Variants in FBXO31 observed in about 807,000 individuals in gnomAD.
FBXO31 encodes the protein F-box only protein 31.
A neutral mutation model predicts 54.4 loss-of-function variants in FBXO31; 24 were observed. The observed-to-expected ratio is 0.44, with a 90% CI of 0.32 to 0.62. The LOEUF is 0.62. FBXO31 is among the 20% of genes least tolerant of loss of function. FBXO31 has a pLI of 0.05. For synonymous variants in FBXO31, 388 were observed against 335.6 expected, an observed-to-expected ratio of 1.16 and a Z score of -1.71; for missense variants, 665 against 787.1, an observed-to-expected ratio of 0.84 and a Z score of 1.86.
chr16:87,387,181 C>T (rs1379051552), upstream of FBXO31, among the ~76,000 whole-genome samples: 5 of 151,972 alleles, frequency 3.3e-5, no homozygotes, highest in African/African-American at 1.2e-4. Flanking sequence ...TTCAGCAATA[C>T]CTGTTGGTGG....
intron 1 of FBXO31, among the ~76,000 whole-genome samples, chr16:87,366,854 G>A (rs1210535541): frequency 2.0e-5 from 3 of 152,006 alleles, no homozygotes; most frequent in African/African-American, 7.3e-5. Context: ...ACTCTCTGGC[G>A]ACCTCCAAAA....
At chr16:87,379,016 T>C (rs539378937) in intron 1 of FBXO31, among the ~76,000 whole-genome samples, 73 of 152,174 alleles carry the variant, frequency 4.8e-4, no homozygotes, top group African/African-American at 1.5e-3. Flanking sequence ...GATATATATG[T>C]ATCCAAAGAT....
chr16:87,375,416 G>A (rs1437270743), intron 1 of FBXO31, among the ~76,000 whole-genome samples: 2 of 152,130 alleles, frequency 1.3e-5, no homozygotes, highest in African/African-American at 4.8e-5. Flanking sequence ...GCTTGAACCC[G>A]GGAGGTAGAG....
chr16:87,343,277 C>T (rs1041180710), intron 4 of FBXO31, among the ~76,000 whole-genome samples: 1 of 152,240 alleles, frequency 6.6e-6, no homozygotes, highest in African/African-American at 2.4e-5. Context: ...ACTGCCAGAC[C>T]AGATCAGAGA....
chr16:87,390,239 C>G (rs768496943), upstream of FBXO31, among the ~76,000 whole-genome samples: 2 of 152,048 alleles, frequency 1.3e-5, no homozygotes, highest in Non-Finnish European at 2.9e-5. Flanking sequence ...TGAGATCACG[C>G]CACTGCACTC....
intron 3 of FBXO31, 55 bp from the exon 4 acceptor site, chr16:87,343,820 C>T (rs1161238418): frequency 1.1e-5 from 17 of 1,581,444 alleles, no homozygotes; most frequent in African/African-American, 8.1e-5. Flanking sequence ...AGAGCAAGGG[C>T]GGCCCCGCAC....
chr16:87,344,307 A>G (rs1462785901), intron 3 of FBXO31, among the ~76,000 whole-genome samples: 5 of 152,226 alleles, frequency 3.3e-5, no homozygotes, highest in Non-Finnish European at 7.3e-5. Flanking sequence ...GGGAGGAGAG[A>G]GACGCCAAGA....
intron 2 of FBXO31, among the ~76,000 whole-genome samples, chr16:87,351,095 C>T (rs1037943932): frequency 3.9e-5 from 6 of 152,180 alleles, no homozygotes; most frequent in South Asian, 2.1e-4. Context: ...GGGCTGCCAG[C>T]GCACAGACCC....
chr16:87,376,608 G>A (rs1223803647), intron 1 of FBXO31, among the ~76,000 whole-genome samples: 1 of 152,140 alleles, frequency 6.6e-6, no homozygotes. Context: ...TTCAACATCT[G>A]TGAAAAGAAG....
chr16:87,335,329 C>A lies in FBXO31; in HGVS notation c.971G>T (p.Arg324Leu). ...LEIVMLSFHGRRARGTKITGD... is the reference protein window; with the variant it reads ...LEIVMLSFHGLRARGTKITGD... The stretch of plus-strand genomic sequence containing the variant: ...CGTGATCTTGGTGCCCCTGGCACGC[C>A]GGCCGTGGAAGCTGAGCATCACAAT... Residue 324 changes from arginine (R) to leucine (L), a missense_variant, in exon 7 of 9, where the codon CGG (arginine) becomes CTG (leucine). Physicochemically the swap from Arg to Leu is moderately radical, Grantham distance 102. Around this residue, in one of 4 missense-constraint regions of FBXO31, gnomAD observed 234 missense variants for 346.8 expected, o/e 0.67. Transcript: ENST00000311635. The surrounding 1 kb of genome is among the most constrained non-coding windows in gnomAD (Gnocchi z 5.7). 1 of 1,613,864 alleles carries A rather than the reference C, an allele frequency of 6.2e-7. No individual in the cohort carries two copies. Among genetic ancestry groups the A allele is most frequent in the Non-Finnish European group, 8.5e-7 (1 of 1,180,000 alleles).
chr16:87,366,798 C>A (rs965252037), intron 1 of FBXO31, among the ~76,000 whole-genome samples: 1 of 152,174 alleles, frequency 6.6e-6, no homozygotes, highest in African/African-American at 2.4e-5. Flanking sequence ...GTGACGTCCA[C>A]TCTTCTGCAA....
At chr16:87,353,535 CAG>C (rs1483538085) in intron 2 of FBXO31, among the ~76,000 whole-genome samples, 1 of 152,234 alleles carries the variant, frequency 6.6e-6, no homozygotes, top group Non-Finnish European at 1.5e-5. Context: ...GACTCAGAGA[CAG>C]AGGGGGCCAC....
chr16:87,340,442 C>G (rs576841554), intron 5 of FBXO31, among the ~76,000 whole-genome samples: 1 of 152,220 alleles, frequency 6.6e-6, no homozygotes, highest in African/African-American at 2.4e-5. Context: ...GTGGTTATCA[C>G]GCATCCAGTG....
In FBXO31 at chr16:87,358,410, C is replaced by G. The variant is rs930356547; in HGVS notation, c.412+1885G>C. The G allele has an allele frequency of 6.6e-6, 1 of 152,662 alleles. No individual in the cohort carries two copies. The highest frequency in any genetic ancestry group is 1.5e-5 in the Non-Finnish European group (1 of 68,052). The allele number at this position is 152,662 out of a possible 1,614,324, so 9.5% of individuals were successfully genotyped here. A position where few individuals can be genotyped will look rare whatever the true frequency, so the allele number is the denominator to read the frequency against. ...AGCCAAAGCTCGCAGGAGGTACATACGGCAGGTGTAAACGTCTCTGTACGC... is the reference window on the plus strand; with the variant it reads ...AGCCAAAGCTCGCAGGAGGTACATAGGGCAGGTGTAAACGTCTCTGTACGC... On this transcript the variant is annotated intron_variant, in intron 2 of 8. Transcript: ENST00000311635. The surrounding 1 kb of genome is among the most constrained non-coding windows in gnomAD (Gnocchi z 4.0).
chr16:87,366,526 G>A (rs1427616923), intron 1 of FBXO31, among the ~76,000 whole-genome samples: 4 of 152,206 alleles, frequency 2.6e-5, no homozygotes, highest in Admixed American at 2.0e-4. Context: ...GAGCACTCCA[G>A]GTGTGGCAGA....
chr16:87,371,334 C>A (rs1906594486), intron 1 of FBXO31, among the ~76,000 whole-genome samples: 1 of 152,238 alleles, frequency 6.6e-6, no homozygotes, highest in Non-Finnish European at 1.5e-5. Context: ...ACGACAGGCA[C>A]CCACTGGCCA....
intron 2 of FBXO31, among the ~76,000 whole-genome samples, chr16:87,359,987 G>C (rs1265648265): frequency 6.6e-6 from 1 of 152,220 alleles, no homozygotes; most frequent in African/African-American, 2.4e-5. Context: ...AGGCCCAGAA[G>C]CCAGAGAAAC....
At chr16:87,390,971 G>A (rs754321775), upstream of FBXO31, among the ~76,000 whole-genome samples, 4 of 152,102 alleles carry the variant, frequency 2.6e-5, no homozygotes, top group Non-Finnish European at 4.4e-5. Flanking sequence ...TTATCCAATT[G>A]GGATAGAAGA....
At chr16:87,367,890 T>C (rs1290827413) in intron 1 of FBXO31, 1 of 152,238 alleles carries the variant, frequency 6.6e-6, no homozygotes, top group Non-Finnish European at 1.5e-5. Flanking sequence ...CTCAGATTGC[T>C]GAAGGCTGGT....
Sources: allele counts gnomAD v4.1 joint callset (sites outside exome capture counted in the v4.1 genomes callset), GRCh38; gene constraint gnomAD v4.1.1; regional missense constraint gnomAD v4.1.1; non-coding constraint Gnocchi (gnomAD v3.1); transcripts MANE v1.5; gene names NCBI Gene and HGNC (gene_info 2026-07-23, HGNC 2026-07-21).